The following KAZN variants were observed in gnomAD, a reference collection of about 807,000 sequenced individuals.
KAZN encodes the protein kazrin, periplakin interacting protein, also known as kazrin.
A neutral mutation model predicts 87.4 loss-of-function variants in KAZN; 40 were observed. The ratio of observed to expected loss-of-function variants is 0.46; its 90% CI spans 0.36 to 0.60. The LOEUF is 0.60. Ranked by LOEUF, KAZN falls within the 20% of genes least tolerant of loss-of-function variation. KAZN has a pLI of 0.00. For synonymous variants in KAZN, 466 were observed against 458.3 expected, an observed-to-expected ratio of 1.02 and a Z score of -0.22; for missense variants, 898 against 1,073.9, an observed-to-expected ratio of 0.84 and a Z score of 2.29.
At position 14,727,454 on chromosome 1, in the gene KAZN, T is replaced by TCTTTTC. The variant is rs1557427817; in HGVS notation, c.226+128231_226+128232insCTTTTC. Among the ~76,000 whole-genome samples the TCTTTTC allele has an allele frequency of 6.2e-4, 7 of 11,356 alleles. 1 individual carries two copies. Among genetic ancestry groups the TCTTTTC allele is most frequent in the South Asian group, 5.5e-3 (1 of 182 alleles). The allele number at this position is 11,356 out of a possible 152,430, so 7.4% of individuals were successfully genotyped here. On this transcript the variant is annotated intron_variant, in intron 1 of 14. Coordinates refer to ENST00000376030, the MANE Select transcript of KAZN (RefSeq NM_201628.3). The stretch of plus-strand genomic sequence containing the variant: ...ATCACATTTATTGTGCACTTTCTTT[T>TCTTTTC]TTTTTTTTTTTTTTTTTTTTTTTTT...
rs75746532 is a variant in KAZN, at chr1:14,848,903, G to C, written c.227-111781G>C. ...TGGAAACAAAAGCTGGGGAAGGCTC[G>C]AAGGGAAGAGAGAGGCCCAAGTGCA... is the stretch of plus-strand genomic sequence containing the variant. On this transcript the variant is annotated intron_variant, in intron 1 of 14. Transcript: ENST00000376030. Among the ~76,000 whole-genome samples, 79 of 152,302 alleles carry C rather than the reference G, an allele frequency of 5.2e-4. No individual in the cohort carries two copies. The East Asian group carries it at 9.6e-3, about 19-fold the overall frequency.
chr1:14,883,355 A>AAAGAAAAG (rs1449958306), intron 1 of KAZN, among the ~76,000 whole-genome samples: 19 of 20,618 alleles, frequency 9.2e-4, no homozygotes, highest in Middle Eastern at 0.037. Context: ...AGAAAGAAAG[A>AAAGAAAAG]AAAGAAAGAA....
chr1:14,760,656 A>G (rs1033886028), intron 1 of KAZN, among the ~76,000 whole-genome samples: 1 of 152,300 alleles, frequency 6.6e-6, no homozygotes, highest in Middle Eastern at 3.4e-3. Context: ...TTGATTGCAC[A>G]TAGATATAAA....
intron 1 of KAZN, among the ~76,000 whole-genome samples, chr1:14,862,082 G>A (rs528627702): frequency 2.6e-5 from 4 of 152,316 alleles, no homozygotes; most frequent in East Asian, 1.9e-4. Flanking sequence ...TGCCTACAGC[G>A]CCTATGGTGT....
At chr1:14,792,200 G>A (rs954660517) in intron 1 of KAZN, among the ~76,000 whole-genome samples, 1 of 152,202 alleles carries the variant, frequency 6.6e-6, no homozygotes, top group Non-Finnish European at 1.5e-5. Flanking sequence ...AGCATCTACT[G>A]TTTGCCAGAT....
intron 2 of KAZN, among the ~76,000 whole-genome samples, chr1:14,540,761 T>C (rs1672760465): frequency 6.6e-6 from 1 of 152,254 alleles, no homozygotes; most frequent in Non-Finnish European, 1.5e-5. Context: ...CAGAGGTTCC[T>C]GACACGTTGG....
intron 2 of KAZN, among the ~76,000 whole-genome samples, chr1:14,506,857 G>A (rs1250375084): frequency 2.6e-5 from 4 of 152,304 alleles, no homozygotes; most frequent in South Asian, 4.2e-4. Context: ...AAGATACGGT[G>A]GCTACCGATT....
At chr1:14,025,704 T>C (rs1195022793) in intron 1 of KAZN, among the ~76,000 whole-genome samples, 1 of 152,192 alleles carries the variant, frequency 6.6e-6, no homozygotes, top group Non-Finnish European at 1.5e-5. Context: ...ATGTGGCTCA[T>C]GTGACTGAGG....
intron 2 of KAZN, among the ~76,000 whole-genome samples, chr1:14,450,387 G>A (rs563999618): frequency 1.3e-5 from 2 of 152,136 alleles, no homozygotes; most frequent in South Asian, 2.1e-4. Context: ...TCAAGAGTTC[G>A]AGACCAGCCT....
chr1:14,633,955 G>A (rs1679774256), intron 1 of KAZN, among the ~76,000 whole-genome samples: 1 of 152,000 alleles, frequency 6.6e-6, no homozygotes, highest in Non-Finnish European at 1.5e-5. Flanking sequence ...GCTTACAATA[G>A]AACCTGACAA....
At chr1:14,383,606 G>A (rs1661574181) in intron 2 of KAZN, among the ~76,000 whole-genome samples, 1 of 151,796 alleles carries the variant, frequency 6.6e-6, no homozygotes, top group South Asian at 2.1e-4. Flanking sequence ...TCTCAGGTTT[G>A]TCAAAGATCA....
chr1:14,456,021 A>G (rs6679666), intron 2 of KAZN, among the ~76,000 whole-genome samples: 88,251 of 152,080 alleles, frequency 0.58, 26,253 homozygotes, highest in African/African-American at 0.7. Flanking sequence ...ATTGGTGCTG[A>G]CTCAAGAAGA....
intron 1 of KAZN, among the ~76,000 whole-genome samples, chr1:14,119,800 T>C (rs1644711621): frequency 1.3e-5 from 2 of 152,146 alleles, no homozygotes; most frequent in African/African-American, 4.8e-5. Flanking sequence ...GTCACAAGGC[T>C]TAGTACTGTA....
intron 1 of KAZN, among the ~76,000 whole-genome samples, chr1:13,940,264 G>A (rs1343706325): frequency 7.4e-6 from 1 of 135,184 alleles, no homozygotes; most frequent in East Asian, 2.2e-4. Flanking sequence ...TTTGCTCCTG[G>A]GAGTTTTTCT....
At chr1:14,221,626 T>G (rs1647100507) in intron 2 of KAZN, among the ~76,000 whole-genome samples, 1 of 152,168 alleles carries the variant, frequency 6.6e-6, no homozygotes, top group South Asian at 2.1e-4. Flanking sequence ...CGAGTCACCA[T>G]TATTGCACCA....
At chr1:14,552,003 T>G (rs1673556909) in intron 2 of KAZN, among the ~76,000 whole-genome samples, 1 of 152,172 alleles carries the variant, frequency 6.6e-6, no homozygotes, top group Admixed American at 6.5e-5. Context: ...CTTCCTTTCT[T>G]TCTTTTTTTC....
chr1:15,063,449 A>C, intron 6 of KAZN, 123 bp from the exon 7 acceptor site: 1 of 802,764 alleles, frequency 1.2e-6, no homozygotes, highest in South Asian at 1.4e-5. Flanking sequence ...CCCACTGCAG[A>C]GGCAGGGTGG....
At chr1:14,803,948 C>T (rs573215992) in intron 1 of KAZN, among the ~76,000 whole-genome samples, 1 of 152,242 alleles carries the variant, frequency 6.6e-6, no homozygotes, top group Non-Finnish European at 1.5e-5. Flanking sequence ...CGCTCACACC[C>T]CAGCACCCAG....
intron 2 of KAZN, among the ~76,000 whole-genome samples, chr1:14,459,944 C>A (rs1431319934): frequency 6.6e-6 from 1 of 152,030 alleles, no homozygotes; most frequent in Non-Finnish European, 1.5e-5. Context: ...ACCAAAGCCC[C>A]CTGAGTAATA....
Sources: gnomAD v4.1 joint callset for allele counts (sites outside exome capture counted in the v4.1 genomes callset) on GRCh38, gnomAD v4.1.1 for gene constraint, MANE v1.5 for transcripts, NCBI Gene and HGNC (gene_info 2026-07-23, HGNC 2026-07-21) for gene names.